The following PCDHA7 variants were observed in gnomAD, a reference collection of about 807,000 sequenced individuals.
PCDHA7 encodes the protein protocadherin alpha-7.
A neutral mutation model predicts 57.2 loss-of-function variants in PCDHA7; 37 were observed. That is an observed-to-expected ratio of 0.65 (90% CI 0.50 to 0.85). The LOEUF is 0.85. Among genes scored for constraint, PCDHA7 ranks in the 40% least tolerant of loss-of-function variants. The pLI is 0.00. For synonymous variants in PCDHA7, 553 were observed against 558.8 expected (o/e 0.99, Z 0.15); for missense variants, 1,188 against 1,241.8 (o/e 0.96, Z 0.65).
intron 1 of PCDHA7, chr5:140,869,914 G>A (rs782742972): frequency 6.2e-7 from 1 of 1,611,078 alleles, no homozygotes; most frequent in South Asian, 1.1e-5. Context: ...AGACCGAGAC[G>A]AAGGAGTCAA....
intron 1 of PCDHA7, chr5:140,884,812 G>A: frequency 9.0e-7 from 1 of 1,117,104 alleles, no homozygotes; most frequent in Non-Finnish European, 1.2e-6. Flanking sequence ...ACTCTGCTGT[G>A]GACATTATGT....
intron 1 of PCDHA7, chr5:140,875,414 C>T: frequency 6.6e-7 from 1 of 1,508,510 alleles, no homozygotes; most frequent in Non-Finnish European, 8.8e-7. Context: ...CATAAAATAC[C>T]TCAGGCAAGC....
At chr5:140,880,083 A>G (rs1453702460) in intron 1 of PCDHA7, among the ~76,000 whole-genome samples, 2 of 152,242 alleles carry the variant, frequency 1.3e-5, no homozygotes, top group African/African-American at 4.8e-5. Context: ...TCAACCTATT[A>G]TAGTAGGCTT....
chr5:140,929,078 G>A lies in PCDHA7; in HGVS notation c.2356-49871G>A, dbSNP rs144524128. On this transcript the variant is annotated intron_variant, in intron 1 of 3. Coordinates refer to ENST00000525929, the MANE Select transcript of PCDHA7 (RefSeq NM_018910.3). ...TCTACAGAGGATCTGAGGTATGGAA[G>A]TAAGATGGTTTCAAATCCTTGCATG... 20 of 1,614,208 alleles carry A rather than the reference G, an allele frequency of 1.2e-5. No individual in the cohort carries two copies. The African/African-American group carries it at 2.3e-4, about 18-fold the overall frequency.
intron 1 of PCDHA7, chr5:140,875,439 G>C (rs375983329): frequency 3.8e-6 from 6 of 1,569,382 alleles, no homozygotes; most frequent in East Asian, 2.3e-5. Flanking sequence ...CCTTAAAACT[G>C]ATTGTCCCAA....
At chr5:140,984,633 T>G (rs2097112196) in intron 3 of PCDHA7, among the ~76,000 whole-genome samples, 1 of 152,206 alleles carries the variant, frequency 6.6e-6, no homozygotes, top group African/African-American at 2.4e-5. Flanking sequence ...AAAGGGATTC[T>G]CTGCCTTCTC....
intron 1 of PCDHA7, chr5:140,866,524 A>G (rs1232306409): frequency 2.0e-5 from 3 of 152,186 alleles, no homozygotes; most frequent in Non-Finnish European, 2.9e-5. Context: ...AAGCCATGAT[A>G]GAGCAGAATT....
In PCDHA7 at chr5:140,876,419, A is replaced by G. The variant is rs2056334313; in HGVS notation, c.2355+39681A>G. On this transcript the variant is annotated intron_variant, in intron 1 of 3. Coordinates refer to ENST00000525929, the MANE Select transcript of PCDHA7 (RefSeq NM_018910.3). Reference sequence around the variant, plus strand: ...CTGGATTTTGAAGAGAATAATGCCTATGAAATTCAGGTTAACGCCATTGAT... The same window carrying G: ...CTGGATTTTGAAGAGAATAATGCCTGTGAAATTCAGGTTAACGCCATTGAT... 2.5e-6 allele frequency: 4 copies of G among 1,613,984 alleles called. No homozygotes were observed. In the East Asian group the frequency reaches 6.7e-5, roughly 27 times the overall value.
intron 1 of PCDHA7, among the ~76,000 whole-genome samples, chr5:140,944,398 G>C (rs1326523434): frequency 4.6e-5 from 7 of 152,104 alleles, no homozygotes; most frequent in African/African-American, 2.4e-5. Flanking sequence ...TGTTATCCAG[G>C]CTGGTCTCGA....
intron 1 of PCDHA7, among the ~76,000 whole-genome samples, chr5:140,938,945 T>A (rs1390189208): frequency 6.6e-6 from 1 of 152,154 alleles, no homozygotes; most frequent in African/African-American, 2.4e-5. Context: ...TCCATTCTTA[T>A]AATGCTCTAG....
chr5:140,977,712 T>C (rs2153814265), intron 1 of PCDHA7, among the ~76,000 whole-genome samples: 1 of 152,306 alleles, frequency 6.6e-6, no homozygotes, highest in South Asian at 2.1e-4. Context: ...AATATTGAGA[T>C]GGTGATCATT....
chr5:140,882,404 G>T, intron 1 of PCDHA7: 1 of 1,614,152 alleles, frequency 6.2e-7, no homozygotes, highest in Non-Finnish European at 8.5e-7. Context: ...CACCTTCGTG[G>T]GCCGCATCGC....
At chr5:140,943,409 T>C (rs1460668622) in intron 1 of PCDHA7, among the ~76,000 whole-genome samples, 1 of 152,078 alleles carries the variant, frequency 6.6e-6, no homozygotes, top group Non-Finnish European at 1.5e-5. Flanking sequence ...AAATTCAGAC[T>C]AGAGGCAAGG....
At chr5:140,966,989 G>C (rs879989091) in intron 1 of PCDHA7, 7 of 1,604,030 alleles carry the variant, frequency 4.4e-6, no homozygotes, top group Non-Finnish European at 5.1e-6. Context: ...CTTGGGGCCG[G>C]GTTGCTTGCG....
chr5:140,870,766 C>G, intron 1 of PCDHA7: 3 of 1,613,562 alleles, frequency 1.9e-6, no homozygotes, highest in South Asian at 1.1e-5. Context: ...GGTGTTCGTG[C>G]TGGACGAGAA....
rs1554135559 is a variant in PCDHA7 at position 140,836,032 on chromosome 5, C to T, written c.1649C>T (p.Thr550Met). 7.4e-6 allele frequency: 12 copies of T among 1,613,412 alleles called. No individual in the cohort carries two copies. The East Asian group carries it at 2.7e-4, about 36-fold the overall frequency. ...GTGCCGCCTCTGGGCAGCAACGTGA[C>T]GCTGCAGGTGTTCGTGCTGGACGAG... ...AGVPPLGSNV[T>M]LQVFVLDEND... Residue 550 changes from threonine (T) to methionine (M), a missense_variant, in exon 1 of 4, where the codon ACG (threonine) becomes ATG (methionine). Thr to Met is a moderately conservative substitution (Grantham distance 81, BLOSUM62 -1). Coordinates refer to ENST00000525929, the MANE Select transcript of PCDHA7 (RefSeq NM_018910.3).
chr5:141,010,158 G>A lies in PCDHA7; in HGVS notation c.*221G>A. 6.4e-7 allele frequency: 1 copy of A among 1,570,690 alleles called. No homozygotes were observed. Among genetic ancestry groups the A allele is most frequent in the Non-Finnish European group, 8.6e-7 (1 of 1,156,884 alleles). On this transcript the variant is annotated 3_prime_UTR_variant, in exon 4 of 4. Coordinates refer to ENST00000525929, the MANE Select transcript of PCDHA7 (RefSeq NM_018910.3). Reference sequence around the variant, plus strand: ...TAACTCTTTCTCTCCACTCTGGCTTGTTTTCAGAACCTAAAAAGCAGACCC... The same window carrying A: ...TAACTCTTTCTCTCCACTCTGGCTTATTTTCAGAACCTAAAAAGCAGACCC...
In PCDHA7 at chr5:140,834,897, C is replaced by T. The variant is rs1364114983; in HGVS notation, c.514C>T (p.Leu172=). 6.9e-6 allele frequency: 11 copies of T among 1,602,496 alleles called. No homozygotes were observed. The highest frequency in any genetic ancestry group is 2.6e-6 in the Non-Finnish European group (3 of 1,174,588). The change falls in exon 1 of 4, where the codon CTG becomes TTG. Residue 172 remains leucine (L), a synonymous_variant. Transcript: ENST00000525929. ...IGENALLTYR[L]SPNEYFFLDV... Reference sequence around the variant, plus strand: ...GGAGAACGCCCTGCTCACTTACAGACTGAGCCCCAATGAGTATTTCTTCCT... The same window carrying T: ...GGAGAACGCCCTGCTCACTTACAGATTGAGCCCCAATGAGTATTTCTTCCT...
chr5:140,843,571 C>T lies in PCDHA7; in HGVS notation c.2355+6833C>T, dbSNP rs1230037847. ...CCAGTGCGGTGGGGAGCTGGTCATA[C>T]TCGCAACAACAGCCGCAGAGGGTGT... On this transcript the variant is annotated intron_variant, in intron 1 of 3. Transcript: ENST00000525929. The T allele has an allele frequency of 3.8e-6, 6 of 1,595,858 alleles. 1 individual carries two copies. In the African/African-American group the frequency reaches 8.1e-5, roughly 21 times the overall value.
Sources: gnomAD v4.1 joint callset for allele counts (sites outside exome capture counted in the v4.1 genomes callset) on GRCh38, gnomAD v4.1.1 for gene constraint, MANE v1.5 for transcripts, NCBI Gene and HGNC (gene_info 2026-07-23, HGNC 2026-07-21) for gene names.